ZBTB20: variants seen among roughly 807,000 people sequenced by gnomAD.
ZBTB20 encodes the protein zinc finger and BTB domain-containing protein 20.
A neutral mutation model predicts 56.9 loss-of-function variants in ZBTB20; 9 were observed. That is an observed-to-expected ratio of 0.16 (90% CI 0.10 to 0.28). ZBTB20 has a LOEUF of 0.28. Among genes scored for constraint, ZBTB20 ranks in the 10% least tolerant of loss-of-function variants. ZBTB20 has a pLI of 1.00. For missense variants in ZBTB20, 655 were observed against 1,003.0 expected (o/e 0.65, Z 4.69); for synonymous variants, 417 against 420.7 (o/e 0.99, Z 0.11).
rs375178092 is a variant in ZBTB20 at position 114,315,187 on chromosome 3, C to A, written c.*23818G>T. On this transcript the variant is annotated 3_prime_UTR_variant, in exon 12 of 12. Coordinates refer to ENST00000675478, the MANE Select transcript of ZBTB20 (RefSeq NM_001348800.3). ...TTTTTGTGGATATATGGATTTATACCGTGCACAGAGTGATACAAGCAGTGT... is the reference window on the plus strand; with the variant it reads ...TTTTTGTGGATATATGGATTTATACAGTGCACAGAGTGATACAAGCAGTGT... 1.3e-5 allele frequency: 2 copies of A among 152,046 alleles called. No individual in the cohort carries two copies. Among genetic ancestry groups the A allele is most frequent in the Non-Finnish European group, 2.9e-5 (2 of 68,018 alleles). 9.4% of individuals were successfully genotyped at this position (152,046 alleles called of 1,614,324 possible).
chr3:115,129,077 C>T (rs1379509116), intron 1 of ZBTB20, among the ~76,000 whole-genome samples: 2 of 151,452 alleles, frequency 1.3e-5, no homozygotes, highest in African/African-American at 4.9e-5. Flanking sequence ...CCAGCCTGGG[C>T]GACAAAGCGA....
intron 7 of ZBTB20, among the ~76,000 whole-genome samples, chr3:114,472,634 G>T (rs988765128): frequency 6.6e-6 from 1 of 152,018 alleles, no homozygotes; most frequent in East Asian, 1.9e-4. Context: ...CTTGAACCTG[G>T]GAGGTGGAGG....
In ZBTB20 at chr3:114,636,224, T is replaced by A. The variant is rs999788021; in HGVS notation, c.-295+57304A>T. 5.9e-5 allele frequency among the ~76,000 whole-genome samples: 9 copies of A among 152,220 alleles called. No homozygotes were observed. The East Asian group carries it at 1.5e-3, about 26-fold the overall frequency. On this transcript the variant is annotated intron_variant, in intron 6 of 11. Transcript: ENST00000675478. ...TCAATAATAAAGAAGAGGTAAAGAC[T>A]TTCCTAGACAAACATGCAGAGGGGT...
chr3:114,375,320 TCAAA>T (rs1421018295), intron 10 of ZBTB20, among the ~76,000 whole-genome samples: 1 of 152,146 alleles, frequency 6.6e-6, no homozygotes, highest in African/African-American at 2.4e-5. Flanking sequence ...ACAAACCCGT[TCAAA>T]CAGTTATTTT....
intron 5 of ZBTB20, among the ~76,000 whole-genome samples, chr3:114,796,770 ATTAAG>A (rs1355744799): frequency 6.6e-6 from 1 of 151,944 alleles, no homozygotes; most frequent in Non-Finnish European, 1.5e-5. Flanking sequence ...AGAAGAATAA[ATTAAG>A]TTTTGATATG....
intron 1 of ZBTB20, among the ~76,000 whole-genome samples, chr3:115,100,852 C>G (rs2083560439): frequency 1.3e-5 from 2 of 152,154 alleles, no homozygotes; most frequent in Admixed American, 6.5e-5. Flanking sequence ...ATTTTAAAGT[C>G]AGAGCAGTCT....
At chr3:114,541,443 T>C (rs2049097631) in intron 6 of ZBTB20, among the ~76,000 whole-genome samples, 1 of 152,160 alleles carries the variant, frequency 6.6e-6, no homozygotes, top group Non-Finnish European at 1.5e-5. Flanking sequence ...AACTTGTGGA[T>C]ACCTAGTTTT....
At chr3:115,017,752 T>C (rs1290849603) in intron 2 of ZBTB20, among the ~76,000 whole-genome samples, 1 of 151,566 alleles carries the variant, frequency 6.6e-6, no homozygotes, top group Admixed American at 6.6e-5. Context: ...GTAAATGCTG[T>C]GTTTCAGACA....
At chr3:114,901,663 C>T (rs1366997410) in intron 3 of ZBTB20, among the ~76,000 whole-genome samples, 1 of 151,926 alleles carries the variant, frequency 6.6e-6, no homozygotes, top group South Asian at 2.1e-4. Context: ...TAAAGCATAG[C>T]ACATCTATAT....
intron 6 of ZBTB20, among the ~76,000 whole-genome samples, chr3:114,521,950 G>T (rs968573320): frequency 3.3e-5 from 5 of 151,992 alleles, no homozygotes. Flanking sequence ...TTCATACAAC[G>T]AATATTTACT....
At chr3:114,561,790 C>G (rs527246326) in intron 6 of ZBTB20, among the ~76,000 whole-genome samples, 11 of 152,170 alleles carry the variant, frequency 7.2e-5, no homozygotes, top group Non-Finnish European at 1.5e-4. Context: ...GCACCAGCTC[C>G]TAACAAGACA....
At chr3:114,512,341 T>C (rs530768200) in intron 6 of ZBTB20, among the ~76,000 whole-genome samples, 1 of 152,136 alleles carries the variant, frequency 6.6e-6, no homozygotes, top group Non-Finnish European at 1.5e-5. Flanking sequence ...CATTCATTCA[T>C]TAATTCAACA....
intron 1 of ZBTB20, among the ~76,000 whole-genome samples, chr3:115,137,402 G>T (rs1349628071): frequency 6.6e-6 from 1 of 151,922 alleles, no homozygotes; most frequent in East Asian, 1.9e-4. Context: ...CACTTTAAAG[G>T]TTACTATAAT....
intron 3 of ZBTB20, among the ~76,000 whole-genome samples, chr3:114,903,035 G>C (rs917943410): frequency 6.6e-6 from 1 of 152,138 alleles, no homozygotes; most frequent in African/African-American, 2.4e-5. Flanking sequence ...CAATCTGTGT[G>C]AAGTGGTGAC....
At chr3:114,625,675 T>C (rs2058619477) in intron 6 of ZBTB20, among the ~76,000 whole-genome samples, 1 of 152,134 alleles carries the variant, frequency 6.6e-6, no homozygotes, top group African/African-American at 2.4e-5. Flanking sequence ...AGGGGAACTA[T>C]GACACTGTGA....
chr3:114,967,423 G>A (rs2077689665), intron 3 of ZBTB20, among the ~76,000 whole-genome samples: 1 of 152,052 alleles, frequency 6.6e-6, no homozygotes, highest in African/African-American at 2.4e-5. Flanking sequence ...TGACCTTTCT[G>A]GTATGTACTG....
chr3:114,504,126 A>T (rs903244825), intron 6 of ZBTB20, among the ~76,000 whole-genome samples: 2 of 152,200 alleles, frequency 1.3e-5, no homozygotes, highest in African/African-American at 2.4e-5. Context: ...AAGAAAATGT[A>T]TAAAAAAGAG....
chr3:114,793,533 G>A (rs982912915), intron 5 of ZBTB20, among the ~76,000 whole-genome samples: 1 of 152,082 alleles, frequency 6.6e-6, no homozygotes, highest in Non-Finnish European at 1.5e-5. Flanking sequence ...AGGAGGAAAT[G>A]TATAGAGGAC....
At chr3:115,117,478 G>A (rs750132520) in intron 1 of ZBTB20, among the ~76,000 whole-genome samples, 25 of 151,848 alleles carry the variant, frequency 1.6e-4, no homozygotes, top group Non-Finnish European at 2.7e-4. Flanking sequence ...TATAAAGCAG[G>A]GAATTCTCAT....
Sources: gnomAD v4.1 joint callset for allele counts (sites outside exome capture counted in the v4.1 genomes callset) on GRCh38, gnomAD v4.1.1 for gene constraint, MANE v1.5 for transcripts, NCBI Gene and HGNC (gene_info 2026-07-23, HGNC 2026-07-21) for gene names.